The following PRH1 variants were observed in gnomAD, a reference collection of about 807,000 sequenced individuals.
The protein encoded by PRH1 is proline rich protein HaeIII subfamily 1, also known as salivary acidic proline-rich phosphoprotein 1/2.
PRH1 carries 7 observed loss-of-function variants against 7.9 expected under a neutral mutation model. That is an observed-to-expected ratio of 0.89 (90% confidence interval 0.50 to 1.67). The LOEUF (loss-of-function observed/expected upper bound fraction) is 1.67. Ranked by LOEUF, PRH1 falls within the 40% of genes most tolerant of loss-of-function variation. The pLI, the probability that PRH1 is intolerant of heterozygous loss-of-function variation, is 0.00. For synonymous variants in PRH1, 45 were observed against 80.8 expected, an observed-to-expected ratio of 0.56 and a Z score of 2.38; for missense variants, 109 against 223.6, an observed-to-expected ratio of 0.49 and a Z score of 3.27.
At chr12:11,071,387 T>TA (rs1248336732) in intron 1 of PRH1, among the ~76,000 whole-genome samples, 2 of 151,622 alleles carry the variant, frequency 1.3e-5, no homozygotes, top group African/African-American at 4.9e-5. Context: ...AATTATAAAA[T>TA]AAAAAAAAGA....
At chr12:10,979,470 G>A (rs1939253060) in intron 1 of PRH1, among the ~76,000 whole-genome samples, 1 of 152,070 alleles carries the variant, frequency 6.6e-6, no homozygotes. Context: ...TTGCTAGCAT[G>A]GGATGAGCCA....
At chr12:11,074,987 G>T (rs1289213450) in intron 1 of PRH1, among the ~76,000 whole-genome samples, 1 of 151,148 alleles carries the variant, frequency 6.6e-6, no homozygotes, top group Non-Finnish European at 1.5e-5. Context: ...TCAACATCAT[G>T]ATACATGGTT....
chr12:11,147,717 T>G (rs1244758189), intron 1 of PRH1, among the ~76,000 whole-genome samples: 1 of 152,204 alleles, frequency 6.6e-6, no homozygotes, highest in Non-Finnish European at 1.5e-5. Context: ...TCCTATTACA[T>G]TAGCTAAAAG....
chr12:11,155,568 C>T (rs960978534), intron 1 of PRH1, among the ~76,000 whole-genome samples: 1 of 151,968 alleles, frequency 6.6e-6, no homozygotes, highest in Non-Finnish European at 1.5e-5. Context: ...TTTGAGTTTG[C>T]CTCATTTTTG....
At chr12:11,044,339 G>A (rs982229928) in intron 1 of PRH1, among the ~76,000 whole-genome samples, 2 of 152,032 alleles carry the variant, frequency 1.3e-5, no homozygotes, top group Non-Finnish European at 2.9e-5. Flanking sequence ...GCTCCCATAA[G>A]AAAACTTCAG....
At chr12:10,985,811 T>C in intron 1 of PRH1, 2 of 855,764 alleles carry the variant, frequency 2.3e-6, no homozygotes, top group Non-Finnish European at 3.5e-6. Context: ...TTTCTAGGTA[T>C]GCTTTCAGAA....
intron 1 of PRH1, among the ~76,000 whole-genome samples, chr12:11,131,595 C>A (rs1303639121): frequency 6.6e-6 from 1 of 152,222 alleles, no homozygotes; most frequent in East Asian, 1.9e-4. Flanking sequence ...GCAAATAGAC[C>A]AAAGTCTTTT....
intron 1 of PRH1, among the ~76,000 whole-genome samples, chr12:11,130,567 T>G (rs1366399953): frequency 1.3e-5 from 2 of 152,234 alleles, no homozygotes. Flanking sequence ...TGGTCCAGGC[T>G]GCTCTGGCCA....
At chr12:11,171,208 C>A (rs1016129608) in intron 1 of PRH1, 1 of 439,734 alleles carries the variant, frequency 2.3e-6, no homozygotes. Flanking sequence ...ACGCGCCGCA[C>A]TGCACCGAGC....
chr12:11,101,136 G>C (rs921860874), intron 1 of PRH1, among the ~76,000 whole-genome samples: 4 of 152,074 alleles, frequency 2.6e-5, no homozygotes, highest in Non-Finnish European at 5.9e-5. Context: ...ATTCATATTA[G>C]CACTAAGAAA....
chr12:11,094,902 A>C (rs1945041741), intron 1 of PRH1, among the ~76,000 whole-genome samples: 1 of 101,514 alleles, frequency 9.9e-6, no homozygotes, highest in Non-Finnish European at 2.3e-5. Context: ...CCTTCTTCGC[A>C]TCTCCTGATA....
chr12:11,038,226 C>T (rs1942527861), intron 1 of PRH1, among the ~76,000 whole-genome samples: 1 of 152,196 alleles, frequency 6.6e-6, no homozygotes, highest in South Asian at 2.1e-4. Flanking sequence ...TATTGTGGAG[C>T]ATAACATACA....
chr12:10,953,737 C>T (rs1424049068), intron 2 of PRH1, among the ~76,000 whole-genome samples: 1 of 152,150 alleles, frequency 6.6e-6, no homozygotes, highest in Non-Finnish European at 1.5e-5. Context: ...GAGAGGCCAG[C>T]ATTCAAATTC....
chr12:11,118,291 T>C (rs1485883721), downstream of PRH1, among the ~76,000 whole-genome samples: 1 of 152,164 alleles, frequency 6.6e-6, no homozygotes, highest in East Asian at 1.9e-4. Flanking sequence ...AAACAAGATA[T>C]ACGAATGTCA....
At chr12:11,167,682 G>A (rs948173790) in intron 1 of PRH1, among the ~76,000 whole-genome samples, 14 of 151,940 alleles carry the variant, frequency 9.2e-5, no homozygotes, top group East Asian at 5.8e-4. Context: ...TCCTGACCTC[G>A]GGATCCACCC....
Position 11,092,665 on chromosome 12 carries a change from C to T in PRH1, n.124-45477G>A, listed in dbSNP as rs74782594. Among the ~76,000 whole-genome samples, 10 of 115,278 alleles carry T rather than the reference C, an allele frequency of 8.7e-5. 1 individual carries two copies. Among genetic ancestry groups the T allele is most frequent in the East Asian group, 4.2e-4 (2 of 4,730 alleles). The allele number at this position is 115,278 out of a possible 152,430, so 75.6% of individuals were successfully genotyped here. On this transcript the variant is annotated intron_variant and non_coding_transcript_variant, in intron 1 of 4. Transcript: ENST00000541977. ...CGCTGATTGCTGTGGTTTTACAGTG[C>T]GCTGATTGGTGCATTTTACAATCCC...
chr12:11,033,413 A>G (rs1942309908), intron 1 of PRH1, among the ~76,000 whole-genome samples: 2 of 152,042 alleles, frequency 1.3e-5, no homozygotes, highest in Admixed American at 6.5e-5. Flanking sequence ...AAAAACCAAC[A>G]TCAAACGACA....
At chr12:11,046,309 C>G (rs962081800) in intron 1 of PRH1, among the ~76,000 whole-genome samples, 1 of 152,036 alleles carries the variant, frequency 6.6e-6, no homozygotes, top group Non-Finnish European at 1.5e-5. Flanking sequence ...ACTGAAATCT[C>G]AATTTAATTA....
intron 1 of PRH1, among the ~76,000 whole-genome samples, chr12:11,099,009 T>C (rs976603761): frequency 1.3e-5 from 2 of 152,146 alleles, no homozygotes; most frequent in African/African-American, 4.8e-5. Flanking sequence ...AGGCCTTTGG[T>C]AAAGTTTCTC....
Sources: gnomAD v4.1 joint callset for allele counts (sites outside exome capture counted in the v4.1 genomes callset) on GRCh38, gnomAD v4.1.1 for gene constraint, MANE v1.5 for transcripts, NCBI Gene and HGNC (gene_info 2026-07-23, HGNC 2026-07-21) for gene names.